Variants in RABGAP1 observed in about 807,000 individuals in gnomAD.
RABGAP1 encodes the protein RAB GTPase activating protein 1, also known as rab GTPase-activating protein 1.
In RABGAP1, 23 loss-of-function variants were observed where a neutral mutation model predicts 137.6. The observed-to-expected ratio is 0.17, with a 90% CI of 0.12 to 0.24. The LOEUF (loss-of-function observed/expected upper bound fraction) is 0.24. Among genes scored for constraint, RABGAP1 ranks in the 10% least tolerant of loss-of-function variants. RABGAP1 has a pLI of 1.00. For missense variants in RABGAP1, 906 were observed against 1,275.8 expected (o/e 0.71, Z 4.42); for synonymous variants, 451 against 450.7 (o/e 1.00, Z -0.01).
At chr9:123,011,616 C>T (rs1429995303) in intron 11 of RABGAP1, among the ~76,000 whole-genome samples, 1 of 152,158 alleles carries the variant, frequency 6.6e-6, no homozygotes, top group Non-Finnish European at 1.5e-5. Flanking sequence ...ATATAATCCT[C>T]ATAATAATCC....
chr9:122,974,531 T>A (rs1835665139), intron 2 of RABGAP1, among the ~76,000 whole-genome samples: 1 of 150,918 alleles, frequency 6.6e-6, no homozygotes, highest in African/African-American at 2.4e-5. Context: ...GGCTCATGCC[T>A]GTAATCCCAA....
intron 13 of RABGAP1, among the ~76,000 whole-genome samples, chr9:123,060,645 A>G (rs1257239525): frequency 6.6e-6 from 1 of 152,190 alleles, no homozygotes; most frequent in Non-Finnish European, 1.5e-5. Flanking sequence ...TCATATTCTC[A>G]CCAACATTTG....
rs796748592 is a variant in RABGAP1, at chr9:123,029,036, T to A, written c.1794+8577T>A. ...TACTTGGGCTAGCATGGAGTAAGAA[T>A]AATTGCAGCGAGACCCGTTAATAAT... On this transcript the variant is annotated intron_variant, in intron 13 of 25. Coordinates refer to ENST00000373647, the MANE Select transcript of RABGAP1 (RefSeq NM_012197.4). Among the ~76,000 whole-genome samples the A allele has an allele frequency of 2.0e-5, 3 of 152,216 alleles. 1 individual carries two copies. The South Asian group carries it at 6.2e-4, about 32-fold the overall frequency.
the RABGAP1 span, among the ~76,000 whole-genome samples, chr9:122,931,787 G>T: frequency 6.6e-6 from 1 of 152,202 alleles, no homozygotes; most frequent in Non-Finnish European, 1.5e-5. Flanking sequence ...CCCGCTGCTC[G>T]GGACCCCCGT....
intron 10 of RABGAP1, among the ~76,000 whole-genome samples, chr9:123,009,982 A>G (rs2030652769): frequency 6.6e-6 from 1 of 152,238 alleles, no homozygotes; most frequent in African/African-American, 2.4e-5. Context: ...ACCTTGAAGG[A>G]TGCCTTCACT....
At chr9:122,971,062 A>T (rs1456329038) in intron 2 of RABGAP1, among the ~76,000 whole-genome samples, 2 of 151,992 alleles carry the variant, frequency 1.3e-5, no homozygotes, top group African/African-American at 4.8e-5. Flanking sequence ...GGCAAGAGGT[A>T]AGGCCTTGGG....
At chr9:122,961,535 T>C (rs912311740) in intron 2 of RABGAP1, among the ~76,000 whole-genome samples, 2 of 152,352 alleles carry the variant, frequency 1.3e-5, no homozygotes, top group East Asian at 3.9e-4. Context: ...AAGGAAGTTC[T>C]TCAGGCTGAA....
chr9:123,084,817 T>C (rs34023123), intron 19 of RABGAP1, among the ~76,000 whole-genome samples: 4,158 of 152,354 alleles, frequency 0.027, 77 homozygotes, highest in Non-Finnish European at 0.045. Context: ...TCATAAGGAC[T>C]GTTAACGATT....
At chr9:122,933,440 A>AATTATTATT in the RABGAP1 span, among the ~76,000 whole-genome samples, 3,706 of 146,034 alleles carry the variant, frequency 0.025, 151 homozygotes, top group African/African-American at 0.087. Flanking sequence ...TTTTTCATTA[A>AATTATTATT]ATTATTATTA....
rs1186243080 is a variant in RABGAP1, at chr9:123,043,900, CT to C, written c.1795-21430del. Among the ~76,000 whole-genome samples, 752 of 129,394 alleles carry C rather than the reference CT, an allele frequency of 5.8e-3. 3 individuals are homozygous for C. The highest frequency in any genetic ancestry group is 0.015 in the African/African-American group (532 of 34,830). 84.9% of individuals were successfully genotyped at this position (129,394 alleles called of 152,430 possible). A position where few individuals can be genotyped will look rare whatever the true frequency, so the allele number is the denominator to read the frequency against. Reference sequence around the variant, plus strand: ...TTCACTTACGTAGGTGTATTATTTTCTTTTTTTTTTTTTTTTTTGAGACGGA... The same window carrying C: ...TTCACTTACGTAGGTGTATTATTTTCTTTTTTTTTTTTTTTTTGAGACGGA... On this transcript the variant is annotated intron_variant, in intron 13 of 25. Coordinates refer to ENST00000373647, the MANE Select transcript of RABGAP1 (RefSeq NM_012197.4).
intron 16 of RABGAP1, 108 bp downstream of exon 16, chr9:123,073,785 G>T: frequency 7.1e-7 from 1 of 1,398,990 alleles, no homozygotes. Flanking sequence ...AGCGATCCGT[G>T]GCTAAGGATG....
chr9:123,099,788 A>T (rs2035287748), intron 24 of RABGAP1, among the ~76,000 whole-genome samples: 2 of 152,166 alleles, frequency 1.3e-5, no homozygotes, highest in Non-Finnish European at 2.9e-5. Context: ...GTGCCCCATG[A>T]TTTCCAAATG....
chr9:123,052,625 A>G (rs1461768958), intron 13 of RABGAP1, among the ~76,000 whole-genome samples: 2 of 152,204 alleles, frequency 1.3e-5, no homozygotes, highest in African/African-American at 4.8e-5. Flanking sequence ...TCTGAGAAAA[A>G]TGTGCACAAA....
intron 13 of RABGAP1, among the ~76,000 whole-genome samples, chr9:123,021,989 G>A (rs1407016157): frequency 3.3e-5 from 5 of 152,126 alleles, no homozygotes; most frequent in Admixed American, 3.3e-4. Flanking sequence ...AGAAAGATGG[G>A]TACAGCATTG....
At position 123,101,776 on chromosome 9, in the gene RABGAP1, G is replaced by A; in HGVS notation, c.3087+13G>A. ...GTGTAAGATACAGGTAACAGCAGCA[G>A]AGCTCAGACATGTGCCTGCGGGCTG... On this transcript the variant is annotated intron_variant, in intron 25 of 25. Transcript: ENST00000373647. 4 of 1,590,832 alleles carry A rather than the reference G, an allele frequency of 2.5e-6. No homozygotes were observed. The highest frequency in any genetic ancestry group is 3.4e-6 in the Non-Finnish European group (4 of 1,168,794).
At chr9:122,980,352 C>G (rs1216727316) in intron 2 of RABGAP1, among the ~76,000 whole-genome samples, 2 of 152,136 alleles carry the variant, frequency 1.3e-5, no homozygotes, top group Admixed American at 6.5e-5. Flanking sequence ...CTCAAGTGAT[C>G]CTTCCCCACA....
At chr9:123,059,165 A>G (rs1216161974) in intron 13 of RABGAP1, among the ~76,000 whole-genome samples, 1 of 152,192 alleles carries the variant, frequency 6.6e-6, no homozygotes, top group African/African-American at 2.4e-5. Flanking sequence ...TTTCAGAAAA[A>G]TTAATCAGAC....
chr9:123,048,653 T>C (rs2033326617), intron 13 of RABGAP1, among the ~76,000 whole-genome samples: 1 of 152,250 alleles, frequency 6.6e-6, no homozygotes, highest in Non-Finnish European at 1.5e-5. Context: ...AAACATTTGT[T>C]TGGAATATGA....
chr9:123,010,767 C>T (rs1054878659), intron 11 of RABGAP1, among the ~76,000 whole-genome samples: 1 of 152,112 alleles, frequency 6.6e-6, no homozygotes, highest in Non-Finnish European at 1.5e-5. Flanking sequence ...TCCTTTTAAA[C>T]AATCAGTGTA....
Sources: gnomAD v4.1 joint callset for allele counts (sites outside exome capture counted in the v4.1 genomes callset) on GRCh38, gnomAD v4.1.1 for gene constraint, MANE v1.5 for transcripts, NCBI Gene and HGNC (gene_info 2026-07-23, HGNC 2026-07-21) for gene names.